Variants in ZNF407 observed in about 807,000 individuals in gnomAD.
ZNF407 encodes zinc finger protein 407.
Under a neutral mutation model 131.2 loss-of-function variants are expected in ZNF407, and 17 were observed. The ratio of observed to expected loss-of-function variants is 0.13; its 90% CI spans 0.09 to 0.19. The LOEUF (loss-of-function observed/expected upper bound fraction) is 0.19, where lower values mean the gene tolerates loss of function less well. Ranked by LOEUF, ZNF407 falls within the 10% of genes least tolerant of loss-of-function variation. ZNF407 has a pLI of 1.00. For synonymous variants in ZNF407, 1,156 were observed against 1,062.0 expected, an observed-to-expected ratio of 1.09 and a Z score of -1.72; for missense variants, 2,681 against 2,830.6, an observed-to-expected ratio of 0.95 and a Z score of 1.20.
intron 4 of ZNF407, among the ~76,000 whole-genome samples, chr18:74,875,925 A>G (rs1411102255): frequency 6.6e-6 from 1 of 152,212 alleles, no homozygotes; most frequent in Non-Finnish European, 1.5e-5. Context: ...ATAGAATAAA[A>G]GATTTTTATA....
At chr18:74,653,472 G>A (rs992701488) in intron 3 of ZNF407, among the ~76,000 whole-genome samples, 1 of 151,676 alleles carries the variant, frequency 6.6e-6, no homozygotes, top group African/African-American at 2.4e-5. Context: ...TGTAATCTCA[G>A]TATATTATTA....
At chr18:74,781,742 A>C (rs1232906760) in intron 4 of ZNF407, among the ~76,000 whole-genome samples, 1 of 152,188 alleles carries the variant, frequency 6.6e-6, no homozygotes, top group Non-Finnish European at 1.5e-5. Context: ...TTTGTGAAAC[A>C]ACCTTGAAAT....
chr18:74,830,155 G>T (rs1337862484), intron 4 of ZNF407, among the ~76,000 whole-genome samples: 1 of 152,158 alleles, frequency 6.6e-6, no homozygotes, highest in Non-Finnish European at 1.5e-5. Context: ...CTTGGTTTTG[G>T]ACTTCCAGCC....
rs1320354331 is a variant in ZNF407, at chr18:74,634,097, T to G, written c.3078T>G (p.Ala1026=). The change falls in exon 2 of 9, where the codon GCT becomes GCG. Residue 1026 remains alanine (A), a synonymous_variant. Coordinates refer to ENST00000299687, the MANE Select transcript of ZNF407 (RefSeq NM_017757.3). ...AGTGTTTGCACTGTGAGTTTAGTGC[T>G]CACTCCTCTGCTTCTCTAGAGCTGC... The part of the protein sequence containing the change: ...ENKCLHCEFS[A]HSSASLELHV... The G allele has an allele frequency of 1.2e-6, 2 of 1,614,044 alleles. No homozygotes were observed. The highest frequency in any genetic ancestry group is 1.1e-5 in the South Asian group (1 of 91,076).
chr18:74,835,632 GT>G (rs1568235435), intron 4 of ZNF407, among the ~76,000 whole-genome samples: 18 of 59,304 alleles, frequency 3.0e-4, no homozygotes, highest in East Asian at 1.8e-3. Context: ...AGAGGGGGGT[GT>G]GTGTGTGTGT....
chr18:74,857,777 G>A (rs936939684), intron 4 of ZNF407, among the ~76,000 whole-genome samples: 2 of 151,830 alleles, frequency 1.3e-5, no homozygotes, highest in African/African-American at 2.4e-5. Context: ...TACTTTTATT[G>A]TTTGATTATA....
chr18:74,954,339 A>G (rs1446244431), intron 8 of ZNF407, among the ~76,000 whole-genome samples: 2 of 152,206 alleles, frequency 1.3e-5, no homozygotes, highest in African/African-American at 2.4e-5. Flanking sequence ...TATTGTTAAT[A>G]TATATCTTTA....
chr18:74,818,584 G>C (rs892920831), intron 4 of ZNF407, among the ~76,000 whole-genome samples: 3 of 152,130 alleles, frequency 2.0e-5, no homozygotes, highest in Non-Finnish European at 4.4e-5. Context: ...ACTAAAATAA[G>C]CGAAGCTCCT....
chr18:74,918,803 G>T (rs1971808157), intron 7 of ZNF407, among the ~76,000 whole-genome samples: 2 of 151,822 alleles, frequency 1.3e-5, no homozygotes, highest in South Asian at 2.1e-4. Flanking sequence ...GAGTAAGTGG[G>T]CATTGCAGTA....
intron 3 of ZNF407, among the ~76,000 whole-genome samples, chr18:74,728,793 G>A (rs1017515443): frequency 9.9e-5 from 15 of 152,192 alleles, no homozygotes; most frequent in South Asian, 2.1e-4. Context: ...GGCAGTGCTG[G>A]GGAGGCTCAT....
intron 8 of ZNF407, among the ~76,000 whole-genome samples, chr18:75,022,979 AC>A: frequency 6.6e-6 from 1 of 152,280 alleles, no homozygotes; most frequent in East Asian, 1.9e-4. Context: ...ATGCACGTAC[AC>A]CGTGGAATAC....
rs1970795587 is a variant in ZNF407, at chr18:74,852,189, A to ACGCGCGCG, written c.4878-25007_4878-25006insGCGCGCGC. 6.5e-5 allele frequency among the ~76,000 whole-genome samples: 9 copies of ACGCGCGCG among 137,832 alleles called. No homozygotes were observed. In the South Asian group the frequency reaches 2.4e-3, roughly 36 times the overall value. The allele number at this position is 137,832 out of a possible 152,430, so 90.4% of individuals were successfully genotyped here. The stretch of plus-strand genomic sequence containing the variant: ...TACACACACACACACACACACACAC[A>ACGCGCGCG]CACACACACGCACGCACGCACGCGC... On this transcript the variant is annotated intron_variant, in intron 4 of 8. Coordinates refer to ENST00000299687, the MANE Select transcript of ZNF407 (RefSeq NM_017757.3).
intron 3 of ZNF407, among the ~76,000 whole-genome samples, chr18:74,671,097 G>A (rs184192472): frequency 3.7e-4 from 57 of 152,258 alleles, no homozygotes; most frequent in African/African-American, 1.3e-3. Flanking sequence ...AGCCCTGAGT[G>A]CCCGTCCCCA....
chr18:75,015,862 G>A (rs772714947), intron 8 of ZNF407, among the ~76,000 whole-genome samples: 1 of 152,060 alleles, frequency 6.6e-6, no homozygotes, highest in East Asian at 1.9e-4. Context: ...GACTTCTTCT[G>A]ACATTGCAGT....
chr18:74,668,346 A>C (rs1473366063), intron 3 of ZNF407, among the ~76,000 whole-genome samples: 1 of 127,972 alleles, frequency 7.8e-6, no homozygotes, highest in East Asian at 3.0e-4. Flanking sequence ...GTAAGTACAA[A>C]TATTCCGAAA....
At chr18:74,819,725 G>T (rs145648536) in intron 4 of ZNF407, among the ~76,000 whole-genome samples, 1 of 152,298 alleles carries the variant, frequency 6.6e-6, no homozygotes, top group African/African-American at 2.4e-5. Context: ...CGTGTAGGTG[G>T]TCTTGGGGAT....
intron 4 of ZNF407, among the ~76,000 whole-genome samples, chr18:74,836,555 C>G (rs1392229200): frequency 1.3e-5 from 2 of 152,208 alleles, no homozygotes; most frequent in African/African-American, 4.8e-5. Context: ...CTTTGCCCTG[C>G]AGCTTCCCTG....
intron 1 of ZNF407, among the ~76,000 whole-genome samples, chr18:74,606,056 TCA>T (rs1491076909): frequency 6.6e-6 from 1 of 152,216 alleles, no homozygotes; most frequent in Admixed American, 6.5e-5. Context: ...CCCTAACCCT[TCA>T]GATTGTCAGG....
At position 74,921,066 on chromosome 18, in the gene ZNF407, C is replaced by G. The variant is rs940369415; in HGVS notation, c.5428+374C>G. 3 of 936,776 alleles carry G rather than the reference C, an allele frequency of 3.2e-6. No homozygotes were observed. The African/African-American group carries it at 5.3e-5, about 17-fold the overall frequency. The allele number at this position is 936,776 out of a possible 1,614,324, so 58.0% of individuals were successfully genotyped here. A position where few individuals can be genotyped will look rare whatever the true frequency, so the allele number is the denominator to read the frequency against. On this transcript the variant is annotated intron_variant, in intron 8 of 8. Coordinates refer to ENST00000299687, the MANE Select transcript of ZNF407 (RefSeq NM_017757.3). ...AATGCTTGTGATTTGAAATGTTATG[C>G]CCTGTTTATTGACACCATCATCTTC...
Sources: allele counts gnomAD v4.1 joint callset (sites outside exome capture counted in the v4.1 genomes callset), GRCh38; gene constraint gnomAD v4.1.1; transcripts MANE v1.5; gene names NCBI Gene and HGNC (gene_info 2026-07-23, HGNC 2026-07-21).